Variants in GRM7 observed in about 807,000 individuals in gnomAD.
GRM7 encodes the protein glutamate metabotropic receptor 7.
A neutral mutation model predicts 84.5 loss-of-function variants in GRM7; 35 were observed. The observed-to-expected ratio is 0.41, with a 90% CI of 0.32 to 0.55. The LOEUF is 0.55. Among genes scored for constraint, GRM7 ranks in the 20% least tolerant of loss-of-function variants. The probability of loss-of-function intolerance (pLI) is 0.19; values close to 1 mark genes in which losing one functional copy is unlikely to be tolerated. For synonymous variants in GRM7, 487 were observed against 455.1 expected, an observed-to-expected ratio of 1.07 and a Z score of -0.89; for missense variants, 1,003 against 1,194.6, an observed-to-expected ratio of 0.84 and a Z score of 2.36.
chr3:7,115,597 G>A (rs1046541591), intron 1 of GRM7, among the ~76,000 whole-genome samples: 2 of 152,068 alleles, frequency 1.3e-5, no homozygotes, highest in African/African-American at 4.8e-5. Context: ...TCAAGGGAAG[G>A]GCTAATCTAT....
chr3:7,365,772 C>T (rs1423690113), intron 4 of GRM7, among the ~76,000 whole-genome samples: 1 of 150,642 alleles, frequency 6.6e-6, no homozygotes, highest in East Asian at 2.0e-4. Context: ...GCCTCTTTCA[C>T]AATATTTTAT....
intron 1 of GRM7, among the ~76,000 whole-genome samples, chr3:7,093,759 GA>G (rs1698756897): frequency 7.0e-6 from 1 of 142,926 alleles, no homozygotes; most frequent in South Asian, 2.3e-4. Context: ...ACATTGGAAG[GA>G]AGCAGAAAGT....
In GRM7 at chr3:6,890,017, C is replaced by T. The variant is rs543192099; in HGVS notation, c.519+28110C>T. On this transcript the variant is annotated intron_variant, in intron 1 of 9. Coordinates refer to ENST00000357716, the MANE Select transcript of GRM7 (RefSeq NM_000844.4). ...TCTTCTAGATTTTCTAGTTTATTTG[C>T]GTAGAGGTGTTTGTAGTATTCTCTG... is the stretch of plus-strand genomic sequence containing the variant. Among the ~76,000 whole-genome samples the T allele has an allele frequency of 3.4e-4, 51 of 152,182 alleles. No homozygotes were observed. In the South Asian group the frequency reaches 5.8e-3, roughly 17 times the overall value.
intron 7 of GRM7, among the ~76,000 whole-genome samples, chr3:7,569,779 G>A (rs555946691): frequency 1.1e-4 from 16 of 152,148 alleles, no homozygotes; most frequent in South Asian, 2.1e-4. Context: ...CACTCACCGC[G>A]AAGGTCCGCA....
chr3:7,360,590 A>G (rs547191755), intron 4 of GRM7, among the ~76,000 whole-genome samples: 1 of 152,282 alleles, frequency 6.6e-6, no homozygotes, highest in East Asian at 1.9e-4. Context: ...CAGGAATTAC[A>G]GTCCAGCTGT....
At chr3:7,215,652 G>A (rs889622655) in intron 2 of GRM7, among the ~76,000 whole-genome samples, 15 of 151,102 alleles carry the variant, frequency 9.9e-5, no homozygotes, top group East Asian at 1.9e-4. Flanking sequence ...GCGACAGAGC[G>A]AGACTCTGTC....
chr3:7,696,574 C>T (rs1701028974), intron 9 of GRM7, among the ~76,000 whole-genome samples: 1 of 152,154 alleles, frequency 6.6e-6, no homozygotes, highest in Admixed American at 6.5e-5. Flanking sequence ...AGGCTTCACC[C>T]AACCTTAAAC....
intron 2 of GRM7, among the ~76,000 whole-genome samples, chr3:7,210,983 G>T (rs1696405327): frequency 1.3e-5 from 2 of 152,132 alleles, no homozygotes; most frequent in African/African-American, 4.8e-5. Context: ...CTAAGTCATA[G>T]GAAGTAATAT....
chr3:7,457,355 G>T (rs1698061480), intron 6 of GRM7, among the ~76,000 whole-genome samples: 1 of 152,106 alleles, frequency 6.6e-6, no homozygotes, highest in African/African-American at 2.4e-5. Flanking sequence ...TTTTTATCAT[G>T]CCTAGATATT....
intron 8 of GRM7, among the ~76,000 whole-genome samples, chr3:7,639,958 C>G (rs1698287899): frequency 6.6e-6 from 1 of 152,082 alleles, no homozygotes; most frequent in African/African-American, 2.4e-5. Flanking sequence ...TCAGTATATA[C>G]TCTTTTGTGT....
chr3:7,060,743 G>A (rs939097206), intron 1 of GRM7, among the ~76,000 whole-genome samples: 1 of 151,628 alleles, frequency 6.6e-6, no homozygotes, highest in Non-Finnish European at 1.5e-5. Context: ...GCCTAGAAAT[G>A]TTTCCTTGTG....
intron 7 of GRM7, among the ~76,000 whole-genome samples, chr3:7,506,140 A>G (rs2124971234): frequency 6.6e-6 from 1 of 152,296 alleles, no homozygotes. Context: ...TCACTCTTAA[A>G]TTCTGCCTTC....
chr3:7,312,924 T>C (rs1700452047), intron 4 of GRM7, among the ~76,000 whole-genome samples: 1 of 126,398 alleles, frequency 7.9e-6, no homozygotes, highest in Non-Finnish European at 1.6e-5. Flanking sequence ...TCCTCCTTTT[T>C]TTTCTTTTTT....
At chr3:7,722,837 T>C (rs1250885550) in intron 9 of GRM7, among the ~76,000 whole-genome samples, 1 of 152,162 alleles carries the variant, frequency 6.6e-6, no homozygotes, top group Non-Finnish European at 1.5e-5. Context: ...TCACCCAGGC[T>C]GGAGTGCAGT....
intron 1 of GRM7, among the ~76,000 whole-genome samples, chr3:6,957,565 G>A (rs62235450): frequency 0.075 from 11,438 of 152,148 alleles, 592 homozygotes; most frequent in Non-Finnish European, 0.11. Flanking sequence ...TGTTTTACTG[G>A]TTTCTGCATA....
chr3:7,726,499 CATTTT>C (rs997623627), intron 9 of GRM7, among the ~76,000 whole-genome samples: 50 of 150,356 alleles, frequency 3.3e-4, no homozygotes, highest in African/African-American at 8.6e-4. Flanking sequence ...TTTCTCCCTA[CATTTT>C]ATTTTGAAAA....
chr3:7,670,939 T>C (rs141998916), intron 8 of GRM7, among the ~76,000 whole-genome samples: 1 of 152,156 alleles, frequency 6.6e-6, no homozygotes, highest in African/African-American at 2.4e-5. Flanking sequence ...CCAGGATAAC[T>C]ATAGGGAAAA....
rs577828975 is a variant in GRM7, at chr3:7,090,650, CAAAGAA to C, written c.520-55795_520-55790del. 2.0e-3 allele frequency among the ~76,000 whole-genome samples: 300 copies of C among 152,074 alleles called. 1 individual carries two copies. The highest frequency in any genetic ancestry group is 3.3e-3 in the Non-Finnish European group (227 of 67,986). ...ATAGAGAGTTGATAGTATTCCTGGC[CAAAGAA>C]AAAGAATTAGATTCTATGAGCATAT... On this transcript the variant is annotated intron_variant, in intron 1 of 9. Coordinates refer to ENST00000357716, the MANE Select transcript of GRM7 (RefSeq NM_000844.4).
intron 8 of GRM7, among the ~76,000 whole-genome samples, chr3:7,663,631 A>T (rs1396439443): frequency 1.3e-5 from 2 of 152,228 alleles, no homozygotes; most frequent in South Asian, 2.1e-4. Flanking sequence ...AATGTTATAC[A>T]TTGTTAACAC....
Sources: gnomAD v4.1 joint callset for allele counts (sites outside exome capture counted in the v4.1 genomes callset) on GRCh38, gnomAD v4.1.1 for gene constraint, MANE v1.5 for transcripts, NCBI Gene and HGNC (gene_info 2026-07-23, HGNC 2026-07-21) for gene names.